The following CAPG variants were observed in gnomAD, a reference collection of about 807,000 sequenced individuals.
CAPG encodes capping actin protein, gelsolin like, also known as macrophage-capping protein.
In CAPG, 32 loss-of-function variants were observed where a neutral mutation model predicts 44.6. That is an observed-to-expected ratio of 0.72 (90% confidence interval 0.54 to 0.96). The LOEUF (loss-of-function observed/expected upper bound fraction) is 0.96, where lower values mean the gene tolerates loss of function less well. Ranked by LOEUF, CAPG falls within the 50% of genes least tolerant of loss-of-function variation. The probability of loss-of-function intolerance (pLI) is 0.00; values close to 1 mark genes in which losing one functional copy is unlikely to be tolerated. For synonymous variants in CAPG, 175 were observed against 179.6 expected, an observed-to-expected ratio of 0.97 and a Z score of 0.20; for missense variants, 412 against 438.3, an observed-to-expected ratio of 0.94 and a Z score of 0.54.
upstream of CAPG, chr2:85,419,158 A>T (rs909542976): frequency 3.9e-5 from 6 of 152,518 alleles, no homozygotes; most frequent in Admixed American, 1.3e-4. Context: ...CAGGTCAGGG[A>T]TGTAGGTCCC....
chr2:85,400,037 A>C (rs1486648592), intron 5 of CAPG, among the ~76,000 whole-genome samples: 1 of 152,114 alleles, frequency 6.6e-6, no homozygotes. Flanking sequence ...AGCCACGCCC[A>C]GCACCTCTTT....
chr2:85,406,272 A>C (rs939302378), intron 1 of CAPG, among the ~76,000 whole-genome samples: 3 of 152,070 alleles, frequency 2.0e-5, no homozygotes, highest in South Asian at 2.1e-4. Flanking sequence ...AAAGAAAAGA[A>C]AGGAGTTTGG....
upstream of CAPG, among the ~76,000 whole-genome samples, chr2:85,410,819 A>G (rs1328746423): frequency 1.3e-5 from 2 of 151,000 alleles, no homozygotes; most frequent in African/African-American, 4.9e-5. Context: ...CTTGCCCTGA[A>G]TGCAAGTATT....
At chr2:85,396,972 C>G (rs554060427) in intron 8 of CAPG, among the ~76,000 whole-genome samples, 5 of 152,218 alleles carry the variant, frequency 3.3e-5, no homozygotes, top group African/African-American at 9.6e-5. Flanking sequence ...TCTCAGACCC[C>G]AGGCAGAGAC....
chr2:85,402,333 A>G (rs1314726515), intron 1 of CAPG, among the ~76,000 whole-genome samples, 175 bp from the exon 2 acceptor site: 1 of 152,208 alleles, frequency 6.6e-6, no homozygotes, highest in Admixed American at 6.5e-5. Flanking sequence ...AAATGAGTCC[A>G]AGGCCACACA....
rs370162411 is a variant in CAPG at position 85,409,328 on chromosome 2, G to A, written c.-14+989C>T. ...CCATGGGGCTGGGGGAGGGGAGGAC[G>A]CAAGTCCTGCTGGCTGTCCCATGGT... On this transcript the variant is annotated intron_variant, in intron 1 of 9. Coordinates refer to ENST00000263867, the MANE Select transcript of CAPG (RefSeq NM_001747.4). 4.6e-5 allele frequency among the ~76,000 whole-genome samples: 7 copies of A among 152,302 alleles called. No individual in the cohort carries two copies. In the East Asian group the frequency reaches 7.7e-4, roughly 17 times the overall value.
At chr2:85,393,016 C>A (rs1686441734), downstream of CAPG, among the ~76,000 whole-genome samples, 1 of 152,064 alleles carries the variant, frequency 6.6e-6, no homozygotes. Flanking sequence ...GGTACCTGAA[C>A]CCTCTGAAAG....
intron 5 of CAPG, among the ~76,000 whole-genome samples, 156 bp downstream of exon 5, chr2:85,401,009 T>C (rs887328800): frequency 1.3e-5 from 2 of 152,166 alleles, no homozygotes; most frequent in African/African-American, 4.8e-5. Context: ...CATCAGTCCT[T>C]ACAAATATAG....
intron 1 of CAPG, among the ~76,000 whole-genome samples, chr2:85,418,099 T>G (rs529062807): frequency 6.6e-6 from 1 of 152,202 alleles, no homozygotes; most frequent in East Asian, 1.9e-4. Context: ...GAGCCAGTCC[T>G]GGGCAGGCCT....
intron 1 of CAPG, among the ~76,000 whole-genome samples, chr2:85,407,080 C>T (rs1445639036): frequency 6.6e-6 from 1 of 151,832 alleles, no homozygotes; most frequent in East Asian, 2.0e-4. Flanking sequence ...GAGGCGTGCA[C>T]CACCACATCT....
At chr2:85,417,675 G>T (rs1687595737) in intron 1 of CAPG, among the ~76,000 whole-genome samples, 1 of 151,810 alleles carries the variant, frequency 6.6e-6, no homozygotes, top group South Asian at 2.1e-4. Flanking sequence ...GTAGAGATGG[G>T]GTTTCGACAT....
chr2:85,414,492 T>C (rs144921782), upstream of CAPG, among the ~76,000 whole-genome samples: 310 of 151,372 alleles, frequency 2.0e-3, no homozygotes, highest in African/African-American at 7.1e-3. Context: ...TGCGGTGCTG[T>C]GATCACAGCT....
At chr2:85,392,359 C>T (rs909983994), downstream of CAPG, among the ~76,000 whole-genome samples, 13 of 146,638 alleles carry the variant, frequency 8.9e-5, no homozygotes, top group African/African-American at 1.5e-4. Flanking sequence ...CATTGCACTC[C>T]GGCCTGGGCA....
At position 85,401,223 on chromosome 2, in the gene CAPG, C is replaced by T. The variant is rs913957735; in HGVS notation, c.458G>A (p.Arg153Gln). The T allele has an allele frequency of 1.4e-5, 22 of 1,614,066 alleles. No individual in the cohort carries two copies. The highest frequency in any genetic ancestry group is 3.3e-4 in the Middle Eastern group (2 of 6,084). Residue 153 changes from arginine to glutamine, a missense_variant, in exon 5 of 10, where the codon CGG becomes CAG. By Grantham distance (43) the Arg-to-Gln change is conservative (BLOSUM62 1). Transcript: ENST00000263867. Reference sequence around the variant, plus strand: ...GTTGAAGCTGTCCCAGTTCAGTGCCCGCTCGGTGGCACGGATGTTCTTCTT... The same window carrying T: ...GTTGAAGCTGTCCCAGTTCAGTGCCTGCTCGGTGGCACGGATGTTCTTCTT... ...KGKKNIRATE[R>Q]ALNWDSFNTG...
At chr2:85,406,512 C>T (rs1320210087) in intron 1 of CAPG, among the ~76,000 whole-genome samples, 3 of 152,134 alleles carry the variant, frequency 2.0e-5, no homozygotes, top group Non-Finnish European at 4.4e-5. Flanking sequence ...TCCTCAACAC[C>T]CTGCCCCCGC....
At position 85,401,969 on chromosome 2, in the gene CAPG, G is replaced by C. The variant is rs745731344; in HGVS notation, c.24-12C>G. 2.7e-5 allele frequency: 43 copies of C among 1,613,986 alleles called. 2 individuals carry two copies. The East Asian group carries it at 4.7e-4, about 18-fold the overall frequency. ...GGAATGGAGAGCCACTGCGAGAAGA[G>C]AGAGGGTTGACAGCAGCCTGGACCC... On this transcript the variant is annotated splice_polypyrimidine_tract_variant and intron_variant, in intron 2 of 9. Transcript: ENST00000263867.
chr2:85,419,408 C>T (rs983823706), upstream of CAPG, among the ~76,000 whole-genome samples: 1 of 152,248 alleles, frequency 6.6e-6, no homozygotes, highest in Non-Finnish European at 1.5e-5. Context: ...GGGACTTACC[C>T]AGACCCTTCA....
intron 1 of CAPG, among the ~76,000 whole-genome samples, chr2:85,415,605 C>T (rs1687535378): frequency 1.3e-5 from 2 of 152,152 alleles, no homozygotes; most frequent in African/African-American, 2.4e-5. Context: ...TCAAGTCATC[C>T]TTGCAATCCC....
intron 5 of CAPG, 43 bp from the exon 6 acceptor site, chr2:85,399,328 T>C (rs1358379124): frequency 5.0e-6 from 8 of 1,604,210 alleles, no homozygotes; most frequent in East Asian, 4.5e-5. Flanking sequence ...CAGATGCCTG[T>C]GTCCTGCTCC....
Sources: allele counts gnomAD v4.1 joint callset (sites outside exome capture counted in the v4.1 genomes callset), GRCh38; gene constraint gnomAD v4.1.1; transcripts MANE v1.5; gene names NCBI Gene and HGNC (gene_info 2026-07-23, HGNC 2026-07-21).